The following SLC39A11 variants were observed in gnomAD, a reference collection of about 807,000 sequenced individuals.
SLC39A11 encodes the protein zinc transporter ZIP11.
Under a neutral mutation model 36.1 loss-of-function variants are expected in SLC39A11, and 33 were observed. The observed-to-expected ratio is 0.91, with a 90% CI of 0.69 to 1.22. The LOEUF is 1.22. Ranked by LOEUF, SLC39A11 falls within the 50% of genes most tolerant of loss-of-function variation. The pLI is 0.00. For missense variants in SLC39A11, 432 were observed against 430.3 expected (o/e 1.00, Z -0.03); for synonymous variants, 166 against 170.3 (o/e 0.97, Z 0.20).
At chr17:72,965,627 T>C (rs1177271653) in intron 4 of SLC39A11, among the ~76,000 whole-genome samples, 1 of 152,242 alleles carries the variant, frequency 6.6e-6, no homozygotes, top group African/African-American at 2.4e-5. Context: ...GTGTATTAAA[T>C]GCATTTTTGA....
intron 5 of SLC39A11, among the ~76,000 whole-genome samples, chr17:72,852,627 C>G (rs2146059831): frequency 6.6e-6 from 1 of 152,198 alleles, no homozygotes; most frequent in East Asian, 1.9e-4. Flanking sequence ...ACAACTGCTA[C>G]TCAGTACCAT....
chr17:72,950,342 C>A (rs1325459309), intron 4 of SLC39A11, among the ~76,000 whole-genome samples: 1 of 152,162 alleles, frequency 6.6e-6, no homozygotes, highest in Admixed American at 6.5e-5. Context: ...AGCTGCCCTG[C>A]AGTATCACGG....
At chr17:72,812,809 A>G (rs901018048) in intron 6 of SLC39A11, among the ~76,000 whole-genome samples, 1 of 152,230 alleles carries the variant, frequency 6.6e-6, no homozygotes, top group African/African-American at 2.4e-5. Context: ...ATGTCATTTA[A>G]GAAGGCATTG....
rs764728558 is a variant in SLC39A11, at chr17:72,732,040, C to CTTTTTTTTTTTTTTTTTTTTTTTTTTT, written c.671+4609_671+4610insAAAAAAAAAAAAAAAAAAAAAAAAAAA. On this transcript the variant is annotated intron_variant, in intron 7 of 9. Transcript: ENST00000255559. ...TTTCTTTATTTTTTTCTTTTCTTTT[C>CTTTTTTTTTTTTTTTTTTTTTTTTTTT]TTTTTTTTTTTTTTTTTTTTTTTTT... Among the ~76,000 whole-genome samples the CTTTTTTTTTTTTTTTTTTTTTTTTTTT allele has an allele frequency of 3.6e-4, 12 of 33,658 alleles. 1 individual carries two copies. Among genetic ancestry groups the CTTTTTTTTTTTTTTTTTTTTTTTTTTT allele is most frequent in the African/African-American group, 6.0e-4 (5 of 8,382 alleles). 22.1% of individuals were successfully genotyped at this position (33,658 alleles called of 152,430 possible).
intron 7 of SLC39A11, among the ~76,000 whole-genome samples, chr17:72,651,954 C>G (rs1285295203): frequency 6.6e-6 from 1 of 152,148 alleles, no homozygotes; most frequent in Non-Finnish European, 1.5e-5. Flanking sequence ...TCCTTTGACT[C>G]CTTAGAGAGG....
At chr17:72,864,647 G>T (rs367849498) in intron 5 of SLC39A11, among the ~76,000 whole-genome samples, 1 of 152,120 alleles carries the variant, frequency 6.6e-6, no homozygotes, top group East Asian at 1.9e-4. Context: ...AAACATGCTC[G>T]TAATCCAAAA....
intron 5 of SLC39A11, among the ~76,000 whole-genome samples, chr17:72,935,486 T>C (rs1186510006): frequency 6.6e-6 from 1 of 152,196 alleles, no homozygotes; most frequent in Non-Finnish European, 1.5e-5. Context: ...GTGCATTTCT[T>C]AAAAACTCGT....
intron 3 of SLC39A11, among the ~76,000 whole-genome samples, chr17:73,081,701 GTA>G (rs762425161): frequency 8.7e-6 from 1 of 115,340 alleles, no homozygotes; most frequent in East Asian, 2.0e-4. Context: ...ATATATGTAT[GTA>G]TATATATACA....
chr17:73,018,545 A>G lies in SLC39A11; in HGVS notation c.306+13011T>C, dbSNP rs143684202. On this transcript the variant is annotated intron_variant, in intron 4 of 9. Transcript: ENST00000255559. ...CCTGGGAAACACGGCAAGACTCCAT[A>G]ACAAAAAAAAACAATAAAGTAAAAA... Among the ~76,000 whole-genome samples, 179 of 151,962 alleles carry G rather than the reference A, an allele frequency of 1.2e-3. 1 individual carries two copies. Among genetic ancestry groups the G allele is most frequent in the African/African-American group, 4.1e-3 (169 of 41,354 alleles).
chr17:72,844,178 T>A (rs1299748422), intron 6 of SLC39A11, among the ~76,000 whole-genome samples: 1 of 152,150 alleles, frequency 6.6e-6, no homozygotes, highest in Admixed American at 6.5e-5. Flanking sequence ...GTAAGTTGGC[T>A]CCAAACAGGC....
At chr17:72,698,469 A>G (rs1244582359) in intron 7 of SLC39A11, among the ~76,000 whole-genome samples, 1 of 151,804 alleles carries the variant, frequency 6.6e-6, no homozygotes, top group Non-Finnish European at 1.5e-5. Context: ...CAAAAAAAAA[A>G]AAAAAAAAAA....
Position 73,049,032 on chromosome 17 carries a change from G to GT in SLC39A11, c.148-17319dup, listed in dbSNP as rs1286691443. Among the ~76,000 whole-genome samples the GT allele has an allele frequency of 3.3e-5, 5 of 152,328 alleles. No homozygotes were observed. The East Asian group carries it at 9.7e-4, about 29-fold the overall frequency. ...AGCCCAGGGGTCCCTCGGCGATGCT[G>GT]TAAGTTTCAGTCCAATTCAATGCTA... is the stretch of plus-strand genomic sequence containing the variant. On this transcript the variant is annotated intron_variant, in intron 3 of 9. Transcript: ENST00000255559.
intron 4 of SLC39A11, among the ~76,000 whole-genome samples, chr17:72,950,430 C>T (rs1263049455): frequency 7.2e-5 from 11 of 152,324 alleles, no homozygotes; most frequent in Admixed American, 6.5e-4. Flanking sequence ...TCTGTAGAAA[C>T]CCCCCTCCCT....
At chr17:72,664,911 C>T (rs981209536) in intron 7 of SLC39A11, among the ~76,000 whole-genome samples, 9 of 152,232 alleles carry the variant, frequency 5.9e-5, no homozygotes, top group East Asian at 3.8e-4. Context: ...CATCTGGTCT[C>T]CTTGCTGTTC....
chr17:72,908,012 C>T (rs908998535), intron 5 of SLC39A11, among the ~76,000 whole-genome samples: 1 of 152,212 alleles, frequency 6.6e-6, no homozygotes, highest in Non-Finnish European at 1.5e-5. Context: ...TGGCTCTTGT[C>T]TTCTCATGGG....
At chr17:73,012,459 A>C (rs556893498) in intron 4 of SLC39A11, among the ~76,000 whole-genome samples, 6 of 152,182 alleles carry the variant, frequency 3.9e-5, no homozygotes, top group Non-Finnish European at 8.8e-5. Context: ...TAAACAAAGG[A>C]TCGACTGAAT....
intron 6 of SLC39A11, among the ~76,000 whole-genome samples, chr17:72,826,288 C>G (rs1428106854): frequency 6.6e-6 from 1 of 152,188 alleles, no homozygotes; most frequent in African/African-American, 2.4e-5. Context: ...TGCCTCCTTC[C>G]TCTTCACCTT....
chr17:72,867,329 G>A (rs1043564696), intron 5 of SLC39A11, among the ~76,000 whole-genome samples: 21 of 152,004 alleles, frequency 1.4e-4, no homozygotes, highest in African/African-American at 3.1e-4. Context: ...GTGAAACCCC[G>A]TCTCTAATAA....
chr17:73,052,832 C>A (rs1364342742), intron 3 of SLC39A11, among the ~76,000 whole-genome samples: 1 of 152,126 alleles, frequency 6.6e-6, no homozygotes, highest in Admixed American at 6.5e-5. Context: ...TCCCGAGTAG[C>A]TGGAATTACA....
Sources: allele counts gnomAD v4.1 joint callset (sites outside exome capture counted in the v4.1 genomes callset), GRCh38; gene constraint gnomAD v4.1.1; transcripts MANE v1.5; gene names NCBI Gene and HGNC (gene_info 2026-07-23, HGNC 2026-07-21).